ULK4: variants seen among roughly 807,000 people sequenced by gnomAD.
ULK4 encodes unc-51 like kinase 4, also known as inactive serine/threonine-protein kinase ULK4.
ULK4 carries 133 observed loss-of-function variants against 160.6 expected under a neutral mutation model. The ratio of observed to expected loss-of-function variants is 0.83; its 90% CI spans 0.72 to 0.96. ULK4 has a LOEUF of 0.96. ULK4 is among the 40% of genes least tolerant of loss of function. The probability of loss-of-function intolerance (pLI) is 0.00; values close to 1 mark genes in which losing one functional copy is unlikely to be tolerated. For missense variants in ULK4, 1,580 were observed against 1,499.5 expected, an observed-to-expected ratio of 1.05 and a Z score of -0.89; for synonymous variants, 534 against 539.8, an observed-to-expected ratio of 0.99 and a Z score of 0.15.
Position 41,385,952 on chromosome 3 carries a change from T to C in ULK4, c.3678+12127A>G, listed in dbSNP as rs76854801. 6.7e-3 allele frequency among the ~76,000 whole-genome samples: 1,017 copies of C among 152,314 alleles called. 4 individuals are homozygous for C. Among genetic ancestry groups the C allele is most frequent in the East Asian group, 0.015 (78 of 5,186 alleles). On this transcript the variant is annotated intron_variant, in intron 35 of 36. Coordinates refer to ENST00000301831, the MANE Select transcript of ULK4 (RefSeq NM_017886.4). ...ACACACATGAAACTTTTCAACCTCC[T>C]TAACTGACAATATTTTCCAAATCGC...
chr3:41,723,583 C>T lies in ULK4; in HGVS notation c.2322-5722G>A, dbSNP rs564110832. ...CAGTGAGGAAAGAGGGGTAAAAGAT[C>T]AAATATTTGGCAAAATCTGATTAAA... is the stretch of plus-strand genomic sequence containing the variant. On this transcript the variant is annotated intron_variant, in intron 22 of 36. Coordinates refer to ENST00000301831, the MANE Select transcript of ULK4 (RefSeq NM_017886.4). Among the ~76,000 whole-genome samples, 17 of 152,232 alleles carry T rather than the reference C, an allele frequency of 1.1e-4. 1 individual carries two copies. The South Asian group carries it at 3.5e-3, about 32-fold the overall frequency.
At chr3:41,638,095 T>C (rs2034033360) in intron 30 of ULK4, among the ~76,000 whole-genome samples, 2 of 152,180 alleles carry the variant, frequency 1.3e-5, no homozygotes. Flanking sequence ...TTCAAAGATA[T>C]ACCAATTTAA....
At chr3:41,927,979 G>A (rs1473540846) in intron 5 of ULK4, among the ~76,000 whole-genome samples, 1 of 152,062 alleles carries the variant, frequency 6.6e-6, no homozygotes, top group Non-Finnish European at 1.5e-5. Context: ...ATTCAGACCT[G>A]AACTCAGCTC....
intron 21 of ULK4, among the ~76,000 whole-genome samples, chr3:41,783,278 T>C (rs1401672156): frequency 2.0e-5 from 3 of 152,064 alleles, no homozygotes; most frequent in African/African-American, 7.2e-5. Flanking sequence ...GGCTCACATC[T>C]GTAATCCCAG....
chr3:41,950,718 T>A (rs1337986859), intron 2 of ULK4, among the ~76,000 whole-genome samples: 1 of 151,088 alleles, frequency 6.6e-6, no homozygotes, highest in Non-Finnish European at 1.5e-5. Context: ...AAATGTACAA[T>A]CGAAAAAGGA....
At chr3:41,912,144 A>G (rs1698810405) in intron 9 of ULK4, among the ~76,000 whole-genome samples, 1 of 152,112 alleles carries the variant, frequency 6.6e-6, no homozygotes, top group Admixed American at 6.5e-5. Context: ...CCTGGGCAAC[A>G]TGGTGAAACC....
In ULK4 at chr3:41,418,539, C is replaced by T. The variant is rs1013911345; in HGVS notation, c.3493-20275G>A. On this transcript the variant is annotated intron_variant, in intron 34 of 36. Transcript: ENST00000301831. ...AGTATATAAGTGACTGCTTTAACTACTTTTTCTGGTCTTCATTTCCTAATC... is the reference window on the plus strand; with the variant it reads ...AGTATATAAGTGACTGCTTTAACTATTTTTTCTGGTCTTCATTTCCTAATC... Among the ~76,000 whole-genome samples, 10 of 152,284 alleles carry T rather than the reference C, an allele frequency of 6.6e-5. No homozygotes were observed. In the East Asian group the frequency reaches 1.9e-3, roughly 29 times the overall value.
intron 22 of ULK4, among the ~76,000 whole-genome samples, chr3:41,735,894 A>C (rs2038023079): frequency 8.5e-6 from 1 of 117,782 alleles, no homozygotes; most frequent in East Asian, 2.7e-4. Context: ...TCCTGTGTCC[A>C]TGTGTTCTCA....
intron 35 of ULK4, among the ~76,000 whole-genome samples, chr3:41,257,277 T>A (rs1374000704): frequency 6.6e-6 from 1 of 152,170 alleles, no homozygotes; most frequent in Admixed American, 6.5e-5. Flanking sequence ...TCTCATTTAT[T>A]GCTGATGTGA....
chr3:41,927,436 C>G (rs1441963522), intron 5 of ULK4, among the ~76,000 whole-genome samples: 2 of 152,084 alleles, frequency 1.3e-5, no homozygotes, highest in African/African-American at 4.8e-5. Flanking sequence ...GAAACTGCAC[C>G]AACTAACGGG....
chr3:41,528,952 C>T (rs1441982286), intron 32 of ULK4, among the ~76,000 whole-genome samples: 1 of 152,078 alleles, frequency 6.6e-6, no homozygotes, highest in Admixed American at 6.6e-5. Flanking sequence ...ATGTAGCGAG[C>T]CTTCACATGT....
intron 35 of ULK4, among the ~76,000 whole-genome samples, chr3:41,279,441 A>G (rs1178266429): frequency 1.3e-5 from 2 of 152,172 alleles, no homozygotes; most frequent in Non-Finnish European, 1.5e-5. Context: ...CAACATTCAA[A>G]TTCAGGAAAT....
chr3:41,552,112 G>A (rs10865910), intron 32 of ULK4, among the ~76,000 whole-genome samples: 77,521 of 151,654 alleles, frequency 0.51, 19,917 homozygotes, highest in Middle Eastern at 0.57. Flanking sequence ...ATATACCTCA[G>A]TATATAGTAA....
intron 35 of ULK4, among the ~76,000 whole-genome samples, chr3:41,389,823 C>T (rs1290696268): frequency 6.6e-6 from 1 of 152,088 alleles, no homozygotes; most frequent in Non-Finnish European, 1.5e-5. Context: ...GGATACTGGT[C>T]TAAAATTCTC....
intron 17 of ULK4, among the ~76,000 whole-genome samples, chr3:41,842,149 A>AG (rs2041944145): frequency 6.6e-6 from 1 of 151,320 alleles, no homozygotes; most frequent in African/African-American, 2.4e-5. Flanking sequence ...CAAAAAAAAA[A>AG]AAAAGAAAAT....
chr3:41,470,018 GAAAAAA>G (rs71094650), intron 32 of ULK4, among the ~76,000 whole-genome samples: 12 of 45,974 alleles, frequency 2.6e-4, no homozygotes, highest in African/African-American at 7.9e-4. Flanking sequence ...AAACAGAACA[GAAAAAA>G]AAAAAAAAAA....
intron 36 of ULK4, among the ~76,000 whole-genome samples, chr3:41,247,545 G>A (rs780468925): frequency 3.0e-4 from 45 of 151,334 alleles, no homozygotes; most frequent in Admixed American, 1.2e-3. Context: ...GACCCTTGAA[G>A]TGTAAAATTA....
chr3:41,616,629 A>G (rs1306002926), intron 30 of ULK4, among the ~76,000 whole-genome samples: 2 of 152,136 alleles, frequency 1.3e-5, no homozygotes, highest in Admixed American at 6.5e-5. Context: ...GGTTTTTTCA[A>G]TCTGCAGATC....
intron 31 of ULK4, among the ~76,000 whole-genome samples, chr3:41,604,007 A>C (rs4973889): frequency 0.45 from 68,130 of 151,934 alleles, 18,163 homozygotes; most frequent in African/African-American, 0.75. Context: ...AAGAGACAGC[A>C]ACAGCCATTT....
Sources: allele counts gnomAD v4.1 joint callset (sites outside exome capture counted in the v4.1 genomes callset), GRCh38; gene constraint gnomAD v4.1.1; transcripts MANE v1.5; gene names NCBI Gene and HGNC (gene_info 2026-07-23, HGNC 2026-07-21).